FARS2: variants seen among roughly 807,000 people sequenced by gnomAD.
FARS2 encodes phenylalanine--tRNA ligase, mitochondrial.
In FARS2, 40 loss-of-function variants were observed where a neutral mutation model predicts 46.4. The ratio of observed to expected loss-of-function variants is 0.86; its 90% CI spans 0.67 to 1.12. The LOEUF (loss-of-function observed/expected upper bound fraction) is 1.12, where lower values mean the gene tolerates loss of function less well. FARS2 is among the 50% of genes most tolerant of loss of function. The pLI, the probability that FARS2 is intolerant of heterozygous loss-of-function variation, is 0.00. For missense variants in FARS2, 513 were observed against 567.9 expected, an observed-to-expected ratio of 0.90 and a Z score of 0.98; for synonymous variants, 234 against 214.9, an observed-to-expected ratio of 1.09 and a Z score of -0.78.
At chr6:5,577,596 T>C (rs1214266361) in intron 5 of FARS2, among the ~76,000 whole-genome samples, 2 of 152,180 alleles carry the variant, frequency 1.3e-5, no homozygotes, top group African/African-American at 4.8e-5. Context: ...TTTTAATTTC[T>C]CTCTTCACAG....
rs1464281023 is a variant in FARS2, at chr6:5,502,906, G to T, written c.905-42274G>T. On this transcript the variant is annotated intron_variant, in intron 4 of 6. Transcript: ENST00000274680. ...AATCAGTTAATTCGAATTTTTTTTT[G>T]TTTTTTTCCATGTGATTCATGGGAT... Among the ~76,000 whole-genome samples the T allele has an allele frequency of 4.6e-5, 7 of 151,430 alleles. 2 individuals carry two copies. Among genetic ancestry groups the T allele is most frequent in the African/African-American group, 1.7e-4 (7 of 41,360 alleles).
chr6:5,368,525 T>G, intron 1 of FARS2, 25 bp from the exon 2 acceptor site: 1 of 1,559,204 alleles, frequency 6.4e-7, no homozygotes. Flanking sequence ...ACCTGACTTG[T>G]GCTTTGCCTG....
rs148302352 is a variant in FARS2, at chr6:5,328,590, C to T, written c.-21-39960C>T. 5.8e-3 allele frequency among the ~76,000 whole-genome samples: 886 copies of T among 151,964 alleles called. 7 individuals carry two copies. Among genetic ancestry groups the T allele is most frequent in the African/African-American group, 0.018 (748 of 41,430 alleles). On this transcript the variant is annotated intron_variant, in intron 1 of 6. Coordinates refer to ENST00000274680, the MANE Select transcript of FARS2 (RefSeq NM_006567.5). ...TGATCCCTCTGGTCCATCATGTCTC[C>T]GACATCCACTAAGGCTACATCTTTT...
chr6:5,318,917 C>T lies in FARS2; in HGVS notation c.-21-49633C>T, dbSNP rs114616836. ...GAAGTAGCCCCTGATATCCAGTCAG[C>T]CTGCATCGGCCTTAGGTTCCCTGCT... On this transcript the variant is annotated intron_variant, in intron 1 of 6. Transcript: ENST00000274680. Among the ~76,000 whole-genome samples the T allele has an allele frequency of 2.8e-3, 425 of 152,276 alleles. 2 individuals are homozygous for T. Among genetic ancestry groups the T allele is most frequent in the African/African-American group, 9.8e-3 (407 of 41,562 alleles).
chr6:5,404,772 T>C (rs766082220), intron 3 of FARS2, 71 bp downstream of exon 3: 3 of 246,962 alleles, frequency 1.2e-5, no homozygotes, highest in Non-Finnish European at 1.2e-5. Context: ...TGGATTTGGG[T>C]TTTTTTTTTT....
At position 5,732,956 on chromosome 6, in the gene FARS2, C is replaced by G. The variant is rs577112918; in HGVS notation, c.1218-38335C>G. 6.6e-5 allele frequency among the ~76,000 whole-genome samples: 10 copies of G among 152,320 alleles called. No homozygotes were observed. The South Asian group carries it at 2.1e-3, about 32-fold the overall frequency. On this transcript the variant is annotated intron_variant, in intron 6 of 6. Coordinates refer to ENST00000274680, the MANE Select transcript of FARS2 (RefSeq NM_006567.5). ...GAAAATGCAACCACCAGGAGACAGT[C>G]CTGGCCCCAAGCCCCCGGCTAGGTG... is the stretch of plus-strand genomic sequence containing the variant.
chr6:5,353,940 C>T (rs1310025246), intron 1 of FARS2, among the ~76,000 whole-genome samples: 4 of 136,814 alleles, frequency 2.9e-5, no homozygotes, highest in African/African-American at 2.7e-5. Context: ...CTGTTTGCTG[C>T]TTTTTTTTTT....
At chr6:5,494,763 A>G (rs1200065396) in intron 4 of FARS2, among the ~76,000 whole-genome samples, 3 of 152,224 alleles carry the variant, frequency 2.0e-5, no homozygotes, top group African/African-American at 7.2e-5. Flanking sequence ...AACTTCAAAC[A>G]TAGTCTGTAC....
chr6:5,619,971 C>A (rs1026496019), intron 6 of FARS2, among the ~76,000 whole-genome samples: 6 of 152,118 alleles, frequency 3.9e-5, no homozygotes, highest in Non-Finnish European at 8.8e-5. Context: ...TTACATTTTC[C>A]CAATCATGAC....
chr6:5,555,518 C>G (rs1232503405), intron 5 of FARS2, among the ~76,000 whole-genome samples: 1 of 152,050 alleles, frequency 6.6e-6, no homozygotes, highest in Non-Finnish European at 1.5e-5. Context: ...TTGCTAATCT[C>G]CTTGGCTTGG....
chr6:5,264,224 G>A lies in FARS2; in HGVS notation c.-22+2564G>A, dbSNP rs76729602. On this transcript the variant is annotated intron_variant, in intron 1 of 6. Transcript: ENST00000274680. ...ATCACATTACTGCTCTGTAGCCTGG[G>A]CAACAGAGTGAGACCCTGTCTACCA... Among the ~76,000 whole-genome samples, 1,167 of 152,220 alleles carry A rather than the reference G, an allele frequency of 7.7e-3. 40 individuals carry two copies. Among genetic ancestry groups the A allele is most frequent in the East Asian group, 0.051 (264 of 5,170 alleles).
At chr6:5,473,513 C>G (rs570889838) in intron 4 of FARS2, among the ~76,000 whole-genome samples, 1 of 128,130 alleles carries the variant, frequency 7.8e-6, no homozygotes, top group Non-Finnish European at 1.6e-5. Flanking sequence ...GGCGACAGAG[C>G]GAGACTCTGT....
intron 2 of FARS2, among the ~76,000 whole-genome samples, chr6:5,376,855 G>A (rs1187960098): frequency 6.6e-6 from 1 of 151,810 alleles, no homozygotes; most frequent in Non-Finnish European, 1.5e-5. Flanking sequence ...CTTTAATCCA[G>A]CTAGATAAAC....
intron 6 of FARS2, among the ~76,000 whole-genome samples, chr6:5,624,780 T>A (rs573430043): frequency 6.6e-6 from 1 of 152,224 alleles, no homozygotes; most frequent in South Asian, 2.1e-4. Flanking sequence ...TGACATGATA[T>A]AAGTCACAGA....
intron 4 of FARS2, among the ~76,000 whole-genome samples, chr6:5,478,118 G>A (rs77330029): frequency 0.015 from 2,298 of 151,968 alleles, 62 homozygotes; most frequent in African/African-American, 0.052. Context: ...CATATTAAAC[G>A]TGATGTCAGT....
At chr6:5,702,184 T>A (rs1442157637) in intron 6 of FARS2, among the ~76,000 whole-genome samples, 1 of 152,256 alleles carries the variant, frequency 6.6e-6, no homozygotes, top group African/African-American at 2.4e-5. Context: ...GTATCTTTTT[T>A]AAATATTTCA....
At chr6:5,288,182 A>G (rs1767258280) in intron 1 of FARS2, among the ~76,000 whole-genome samples, 1 of 152,194 alleles carries the variant, frequency 6.6e-6, no homozygotes, top group Non-Finnish European at 1.5e-5. Context: ...TGCTGAGTCC[A>G]GTGATCATCT....
chr6:5,670,639 T>TTCC (rs767491939), intron 6 of FARS2, among the ~76,000 whole-genome samples: 1 of 152,240 alleles, frequency 6.6e-6, no homozygotes, highest in Non-Finnish European at 1.5e-5. Context: ...AAACAGTCTC[T>TTCC]TCCTCTAACC....
chr6:5,415,889 T>C (rs1270123588), intron 3 of FARS2, among the ~76,000 whole-genome samples: 3 of 152,282 alleles, frequency 2.0e-5, no homozygotes, highest in Non-Finnish European at 4.4e-5. Context: ...TTATATTTTG[T>C]AGAGATGGGG....
Sources: gnomAD v4.1 joint callset for allele counts (sites outside exome capture counted in the v4.1 genomes callset) on GRCh38, gnomAD v4.1.1 for gene constraint, MANE v1.5 for transcripts, NCBI Gene and HGNC (gene_info 2026-07-23, HGNC 2026-07-21) for gene names.